CDH4: variants seen among roughly 807,000 people sequenced by gnomAD.
CDH4 encodes cadherin 4.
A neutral mutation model predicts 86.0 loss-of-function variants in CDH4; 33 were observed. That is an observed-to-expected ratio of 0.38 (90% CI 0.29 to 0.51). The LOEUF (loss-of-function observed/expected upper bound fraction) is 0.51. CDH4 is among the 20% of genes least tolerant of loss of function. The probability of loss-of-function intolerance (pLI) is 0.86; values close to 1 mark genes in which losing one functional copy is unlikely to be tolerated. For missense variants in CDH4, 1,114 were observed against 1,307.4 expected (o/e 0.85, Z 2.28); for synonymous variants, 555 against 549.4 (o/e 1.01, Z -0.14).
In CDH4 at chr20:61,517,660, G is replaced by A. The variant is rs755703785; in HGVS notation, c.170-225903G>A. 4.0e-5 allele frequency among the ~76,000 whole-genome samples: 6 copies of A among 151,638 alleles called. No homozygotes were observed. Among genetic ancestry groups the A allele is most frequent in the East Asian group, 1.9e-4 (1 of 5,188 alleles). ...AAGTGAGGAGAATGACGGCAGCGCCGCTGTAGGACCATGGAGGGAATGAAC... is the reference window on the plus strand; with the variant it reads ...AAGTGAGGAGAATGACGGCAGCGCCACTGTAGGACCATGGAGGGAATGAAC... On this transcript the variant is annotated intron_variant, in intron 2 of 15. Coordinates refer to ENST00000614565, the MANE Select transcript of CDH4 (RefSeq NM_001794.5). The surrounding 1 kb of genome is among the most constrained non-coding windows in gnomAD (Gnocchi z 6.6).
At chr20:61,856,660 C>T (rs1983026485) in intron 6 of CDH4, among the ~76,000 whole-genome samples, 1 of 152,170 alleles carries the variant, frequency 6.6e-6, no homozygotes, top group African/African-American at 2.4e-5. Context: ...CACGAGGGTC[C>T]TGTGTGCACC....
At chr20:61,906,317 G>A (rs557253920) in intron 8 of CDH4, among the ~76,000 whole-genome samples, 3 of 152,250 alleles carry the variant, frequency 2.0e-5, no homozygotes, top group East Asian at 3.8e-4. Flanking sequence ...GTGTGGCTGG[G>A]TGTCAATAAA....
At chr20:61,647,944 C>T (rs1395837380) in intron 2 of CDH4, among the ~76,000 whole-genome samples, 2 of 152,270 alleles carry the variant, frequency 1.3e-5, no homozygotes, top group Admixed American at 6.5e-5. Context: ...GCAGGGGCTG[C>T]GGCCTGCCGA....
At chr20:61,272,959 G>C (rs2084192134) in intron 2 of CDH4, among the ~76,000 whole-genome samples, 1 of 127,180 alleles carries the variant, frequency 7.9e-6, no homozygotes, top group South Asian at 3.0e-4. Context: ...GGAGTATTGG[G>C]GGAGTACCAT....
intron 8 of CDH4, among the ~76,000 whole-genome samples, chr20:61,904,302 A>G (rs2054764203): frequency 6.6e-6 from 1 of 152,126 alleles, no homozygotes; most frequent in African/African-American, 2.4e-5. Flanking sequence ...CCTGGAGTTC[A>G]TGGTCATGGA....
At chr20:61,358,358 C>T (rs909450266) in intron 2 of CDH4, among the ~76,000 whole-genome samples, 38 of 152,200 alleles carry the variant, frequency 2.5e-4, no homozygotes, top group Admixed American at 1.5e-3. Context: ...AGGCTATGCC[C>T]GCAGGCCTGA....
chr20:61,881,384 A>G (rs994091698), intron 7 of CDH4, among the ~76,000 whole-genome samples: 10 of 152,346 alleles, frequency 6.6e-5, no homozygotes, highest in African/African-American at 2.2e-4. Flanking sequence ...GCAGGGCTGC[A>G]GGAGAGAGAA....
intron 2 of CDH4, among the ~76,000 whole-genome samples, chr20:61,321,365 A>G (rs1235715439): frequency 6.6e-6 from 1 of 152,240 alleles, no homozygotes; most frequent in East Asian, 1.9e-4. Context: ...CTCTTAACAA[A>G]AAACGGCTTG....
intron 4 of CDH4, among the ~76,000 whole-genome samples, chr20:61,831,387 G>T (rs1981606066): frequency 6.6e-6 from 1 of 152,260 alleles, no homozygotes; most frequent in Non-Finnish European, 1.5e-5. Flanking sequence ...GAGCAGTGAA[G>T]TCTCGAGGGA....
intron 2 of CDH4, among the ~76,000 whole-genome samples, chr20:61,361,530 C>A (rs2084783011): frequency 6.6e-6 from 1 of 152,192 alleles, no homozygotes; most frequent in Non-Finnish European, 1.5e-5. Flanking sequence ...TTCTTCTAAT[C>A]TGCAGAGCAT....
intron 2 of CDH4, among the ~76,000 whole-genome samples, chr20:61,685,028 T>A (rs2087559001): frequency 6.6e-6 from 1 of 152,186 alleles, no homozygotes; most frequent in African/African-American, 2.4e-5. Context: ...GTCATCTAAT[T>A]GTGCAACTTA....
At position 61,840,671 on chromosome 20, in the gene CDH4, C is replaced by T. The variant is rs77455970; in HGVS notation, c.577-3997C>T. ...GGCGCCTGTCTGTGCTCCCTATTCA[C>T]GGCCCATCGTGGGCTTCTGCGGTGT... On this transcript the variant is annotated intron_variant, in intron 4 of 15. Transcript: ENST00000614565. Among the ~76,000 whole-genome samples, 315 of 152,352 alleles carry T rather than the reference C, an allele frequency of 2.1e-3. 1 individual carries two copies. The highest frequency in any genetic ancestry group is 3.5e-3 in the Non-Finnish European group (240 of 68,024).
intron 2 of CDH4, among the ~76,000 whole-genome samples, chr20:61,523,466 C>T (rs535984504): frequency 6.6e-6 from 1 of 152,286 alleles, no homozygotes; most frequent in South Asian, 2.1e-4. Context: ...CTCCGTCATT[C>T]CCCGCCACGT....
chr20:61,797,781 C>T lies in CDH4; in HGVS notation c.576+24599C>T, dbSNP rs192127987. Among the ~76,000 whole-genome samples, 42 of 152,242 alleles carry T rather than the reference C, an allele frequency of 2.8e-4. No homozygotes were observed. The East Asian group carries it at 5.0e-3, about 18-fold the overall frequency. On this transcript the variant is annotated intron_variant, in intron 4 of 15. Transcript: ENST00000614565. The stretch of plus-strand genomic sequence containing the variant: ...CAGCCTGGCTGACAAAGTGAGACCC[C>T]GTCTCTACAAAAAACAAAAAAGACA...
intron 14 of CDH4, 104 bp downstream of exon 14, chr20:61,933,228 C>T: frequency 2.1e-6 from 3 of 1,431,532 alleles, no homozygotes; most frequent in Non-Finnish European, 2.9e-6. Flanking sequence ...GACATTTCAA[C>T]CTTTTCACCA....
At chr20:61,424,537 G>T (rs1187652557) in intron 2 of CDH4, among the ~76,000 whole-genome samples, 2 of 152,118 alleles carry the variant, frequency 1.3e-5, no homozygotes, top group Admixed American at 6.5e-5. Context: ...AGACGCACAG[G>T]CCCTGTAGAC....
At chr20:61,822,582 A>G (rs1338153758) in intron 4 of CDH4, among the ~76,000 whole-genome samples, 1 of 152,170 alleles carries the variant, frequency 6.6e-6, no homozygotes, top group East Asian at 1.9e-4. Context: ...GGAGGGTGCC[A>G]GGTGAGGGAC....
At chr20:61,668,487 G>A (rs547804070) in intron 2 of CDH4, among the ~76,000 whole-genome samples, 6 of 152,354 alleles carry the variant, frequency 3.9e-5, no homozygotes, top group Middle Eastern at 3.4e-3. Flanking sequence ...GGAGGCTGTC[G>A]TGGGGCGTGC....
At chr20:61,279,340 G>C (rs1229640878) in intron 2 of CDH4, among the ~76,000 whole-genome samples, 1 of 152,118 alleles carries the variant, frequency 6.6e-6, no homozygotes, top group Non-Finnish European at 1.5e-5. Context: ...TCTTTGGTTA[G>C]CACCTACCGA....
Sources: gnomAD v4.1 joint callset for allele counts (sites outside exome capture counted in the v4.1 genomes callset) on GRCh38, gnomAD v4.1.1 for gene constraint, Gnocchi (gnomAD v3.1) non-coding constraint, MANE v1.5 for transcripts, NCBI Gene and HGNC (gene_info 2026-07-23, HGNC 2026-07-21) for gene names.